DNAAF11: variants seen among roughly 807,000 people sequenced by gnomAD.
DNAAF11 encodes the protein dynein axonemal assembly factor 11, also known as leucine rich repeat containing 6.
DNAAF11 carries 45 observed loss-of-function variants against 60.8 expected under a neutral mutation model. That is an observed-to-expected ratio of 0.74 (90% CI 0.58 to 0.95). The LOEUF (loss-of-function observed/expected upper bound fraction) is 0.95. Ranked by LOEUF, DNAAF11 falls within the 40% of genes least tolerant of loss-of-function variation. The pLI is 0.00. For synonymous variants in DNAAF11, 191 were observed against 183.5 expected, an observed-to-expected ratio of 1.04 and a Z score of -0.33; for missense variants, 546 against 546.2, an observed-to-expected ratio of 1.00 and a Z score of 0.00.
At chr8:132,693,130 G>A in the DNAAF11 span, among the ~76,000 whole-genome samples, 1 of 152,242 alleles carries the variant, frequency 6.6e-6, no homozygotes, top group South Asian at 2.1e-4. Context: ...CCCTCCCTCT[G>A]ATGACTGCAG....
intron 1 of DNAAF11, 93 bp from the exon 2 acceptor site, chr8:132,661,720 T>C: frequency 7.4e-7 from 1 of 1,352,848 alleles, no homozygotes; most frequent in South Asian, 1.2e-5. Context: ...TTTTTGTTTG[T>C]TTTTGCAGTT....
Position 132,638,030 on chromosome 8 carries a change from T to G in DNAAF11, c.334A>C (p.Asn112His). ...ELSSIKNLQHNIHLKELFLMG... is the reference protein window; with the variant it reads ...ELSSIKNLQHHIHLKELFLMG... ...AGAAAGAGCTCCTTCAGATGGATAT[T>G]GTGCTGCAAGTTTTTAATGCTGCTC... The change falls in exon 4 of 12, where the codon AAT (asparagine) becomes CAT (histidine). Residue 112 changes from asparagine (N) to histidine (H), a missense_variant. Asn to His is a moderately conservative substitution (Grantham distance 68). Transcript: ENST00000620350. 1 of 1,614,162 alleles carries G rather than the reference T, an allele frequency of 6.2e-7. No homozygotes were observed. Among genetic ancestry groups the G allele is most frequent in the Non-Finnish European group, 8.5e-7 (1 of 1,179,998 alleles).
chr8:132,636,483 C>A (rs1412202038), intron 4 of DNAAF11, among the ~76,000 whole-genome samples: 1 of 152,144 alleles, frequency 6.6e-6, no homozygotes, highest in Non-Finnish European at 1.5e-5. Flanking sequence ...AATTGTCTCC[C>A]TGAATGGGTC....
intron 11 of DNAAF11, among the ~76,000 whole-genome samples, chr8:132,579,407 C>T (rs1202224507): frequency 6.6e-6 from 1 of 152,226 alleles, no homozygotes; most frequent in African/African-American, 2.4e-5. Flanking sequence ...ATCTCTTTTG[C>T]ACATGCCCCA....
intron 3 of DNAAF11, among the ~76,000 whole-genome samples, chr8:132,646,955 G>A (rs902939196): frequency 3.3e-5 from 5 of 152,080 alleles, no homozygotes; most frequent in Non-Finnish European, 5.9e-5. Flanking sequence ...AGTTAACAAG[G>A]ATATCCAGGA....
rs77061263 is a variant in DNAAF11, at chr8:132,665,088, G to T, written c.11-3461C>A. 8.1e-3 allele frequency among the ~76,000 whole-genome samples: 1,230 copies of T among 151,760 alleles called. 20 individuals are homozygous for T. Among genetic ancestry groups the T allele is most frequent in the African/African-American group, 0.028 (1,168 of 41,092 alleles). On this transcript the variant is annotated intron_variant, in intron 1 of 11. Transcript: ENST00000620350. Reference sequence around the variant, plus strand: ...AATAATTGCAGAGGAGGACAGAACTGTGAAGATGTGGAAATTTCCCAGCAG... The same window carrying T: ...AATAATTGCAGAGGAGGACAGAACTTTGAAGATGTGGAAATTTCCCAGCAG...
At chr8:132,624,604 T>G (rs1820068193) in intron 6 of DNAAF11, among the ~76,000 whole-genome samples, 1 of 152,206 alleles carries the variant, frequency 6.6e-6, no homozygotes, top group Non-Finnish European at 1.5e-5. Flanking sequence ...GTCATTGCCA[T>G]GTAGATTACT....
intron 7 of DNAAF11, among the ~76,000 whole-genome samples, chr8:132,619,263 A>G (rs1819514056): frequency 6.8e-6 from 1 of 147,264 alleles, no homozygotes; most frequent in African/African-American, 2.5e-5. Context: ...ACACATGGAC[A>G]GAGGAAGGGG....
rs746235128 is a variant in DNAAF11, at chr8:132,661,587, G to A, written c.51C>T (p.Asp17=). 5.6e-6 allele frequency: 9 copies of A among 1,614,090 alleles called. No homozygotes were observed. In the South Asian group the frequency reaches 9.9e-5, roughly 18 times the overall value. ...DLIRRNAEHN[D]CVIFSLEELS... Reference sequence around the variant, plus strand: ...GTTCCTCCAGGGAAAAAATGACACAGTCGTTGTGTTCAGCATTCCGTCTAA... The same window carrying A: ...GTTCCTCCAGGGAAAAAATGACACAATCGTTGTGTTCAGCATTCCGTCTAA... The change falls in exon 2 of 12, where the codon GAC becomes GAT. Residue 17 remains aspartate (D), a synonymous_variant. Transcript: ENST00000620350.
At chr8:132,664,338 AC>A (rs1278646228) in intron 1 of DNAAF11, among the ~76,000 whole-genome samples, 1 of 152,158 alleles carries the variant, frequency 6.6e-6, no homozygotes, top group Non-Finnish European at 1.5e-5. Flanking sequence ...TCAAGGTATC[AC>A]AGGCGCCTCT....
the DNAAF11 span, chr8:132,687,541 G>T: frequency 4.4e-6 from 2 of 453,400 alleles, no homozygotes; most frequent in South Asian, 3.1e-5. Flanking sequence ...GCTGTAACAG[G>T]TTCCGTCATC....
chr8:132,572,662 T>C (rs1027968709), intron 11 of DNAAF11, among the ~76,000 whole-genome samples, 182 bp from the exon 12 acceptor site: 1 of 150,544 alleles, frequency 6.6e-6, no homozygotes, highest in Non-Finnish European at 1.5e-5. Flanking sequence ...ATCAAGACTC[T>C]GACCTGTGGA....
At chr8:132,637,371 C>T (rs887782263) in intron 4 of DNAAF11, among the ~76,000 whole-genome samples, 6 of 151,928 alleles carry the variant, frequency 3.9e-5, no homozygotes, top group Admixed American at 2.0e-4. Context: ...TTTGGGAGGC[C>T]GAGGCAGGTG....
chr8:132,593,860 A>G (rs1260777245), intron 10 of DNAAF11, among the ~76,000 whole-genome samples: 1 of 152,090 alleles, frequency 6.6e-6, no homozygotes, highest in African/African-American at 2.4e-5. Context: ...ATGACCCTTA[A>G]CCACTACTAT....
intron 4 of DNAAF11, among the ~76,000 whole-genome samples, chr8:132,636,198 T>C (rs1294828154): frequency 6.7e-6 from 1 of 150,102 alleles, no homozygotes; most frequent in East Asian, 1.9e-4. Flanking sequence ...TATTTTTACA[T>C]AGTAGTAAAC....
At chr8:132,593,026 G>T (rs1380431401) in intron 10 of DNAAF11, among the ~76,000 whole-genome samples, 2 of 151,928 alleles carry the variant, frequency 1.3e-5, no homozygotes, top group Non-Finnish European at 2.9e-5. Flanking sequence ...GGGTAAGAAT[G>T]AGGAGAGTTC....
At chr8:132,695,418 TAGAC>T in the DNAAF11 span, among the ~76,000 whole-genome samples, 1 of 152,116 alleles carries the variant, frequency 6.6e-6, no homozygotes, top group African/African-American at 2.4e-5. Flanking sequence ...AAATTGGCCT[TAGAC>T]AGCAGCAAGA....
At chr8:132,669,684 T>C (rs997607911) in intron 1 of DNAAF11, among the ~76,000 whole-genome samples, 2 of 152,148 alleles carry the variant, frequency 1.3e-5, no homozygotes, top group African/African-American at 4.8e-5. Context: ...AGCAGTGACG[T>C]CAGGTTCTGG....
intron 11 of DNAAF11, among the ~76,000 whole-genome samples, chr8:132,579,093 A>G (rs1049590290): frequency 1.3e-5 from 2 of 152,216 alleles, no homozygotes; most frequent in African/African-American, 4.8e-5. Flanking sequence ...TTGGTTAAAA[A>G]TCCTCAATCT....
Sources: allele counts gnomAD v4.1 joint callset (sites outside exome capture counted in the v4.1 genomes callset), GRCh38; gene constraint gnomAD v4.1.1; transcripts MANE v1.5; gene names NCBI Gene and HGNC (gene_info 2026-07-23, HGNC 2026-07-21).